PRKCE: variants seen among roughly 807,000 people sequenced by gnomAD.
PRKCE encodes the protein protein kinase C epsilon.
A neutral mutation model predicts 85.4 loss-of-function variants in PRKCE; 16 were observed. The ratio of observed to expected loss-of-function variants is 0.19; its 90% CI spans 0.13 to 0.28. The LOEUF (loss-of-function observed/expected upper bound fraction) is 0.28. PRKCE is among the 10% of genes least tolerant of loss of function. PRKCE has a pLI of 1.00. For synonymous variants in PRKCE, 388 were observed against 371.5 expected (o/e 1.04, Z -0.51); for missense variants, 573 against 975.2 (o/e 0.59, Z 5.49).
At chr2:45,662,467 A>C (rs1267176055) in intron 1 of PRKCE, among the ~76,000 whole-genome samples, 1 of 152,060 alleles carries the variant, frequency 6.6e-6, no homozygotes, top group East Asian at 1.9e-4. Flanking sequence ...AAATGTATTG[A>C]ATAGGGGAGT....
chr2:46,005,505 T>G (rs751503610), intron 8 of PRKCE, among the ~76,000 whole-genome samples: 6 of 152,076 alleles, frequency 3.9e-5, no homozygotes, highest in Non-Finnish European at 7.4e-5. Flanking sequence ...TTCATTACTG[T>G]CCCCCAGGTT....
chr2:45,702,270 G>A (rs1057504039), intron 1 of PRKCE, among the ~76,000 whole-genome samples: 2 of 152,176 alleles, frequency 1.3e-5, no homozygotes, highest in African/African-American at 4.8e-5. Context: ...ATACAGATGT[G>A]GAAATCTACC....
chr2:45,775,048 T>C (rs763208569), intron 1 of PRKCE, among the ~76,000 whole-genome samples: 2 of 152,190 alleles, frequency 1.3e-5, no homozygotes, highest in Non-Finnish European at 2.9e-5. Flanking sequence ...ACGGTTGAAT[T>C]GGTTCCCAAG....
In PRKCE at chr2:46,163,345, G is replaced by A. The variant is rs927103624; in HGVS notation, c.2067+3593G>A. 2.0e-5 allele frequency among the ~76,000 whole-genome samples: 3 copies of A among 150,928 alleles called. No individual in the cohort carries two copies. In the East Asian group the frequency reaches 5.9e-4, roughly 30 times the overall value. ...AGGTGCACCCCACAGAGGCCACTGAGAGCCACGGGGAAGTTGAGCTTCATC... is the reference window on the plus strand; with the variant it reads ...AGGTGCACCCCACAGAGGCCACTGAAAGCCACGGGGAAGTTGAGCTTCATC... On this transcript the variant is annotated intron_variant, in intron 14 of 14. Coordinates refer to ENST00000306156, the MANE Select transcript of PRKCE (RefSeq NM_005400.3).
chr2:45,866,642 A>G (rs1033025347), intron 2 of PRKCE, among the ~76,000 whole-genome samples: 1 of 152,230 alleles, frequency 6.6e-6, no homozygotes, highest in East Asian at 1.9e-4. Context: ...GCGGGGAAGC[A>G]GGCGACGGTG....
chr2:45,895,989 C>T lies in PRKCE; in HGVS notation c.412+52926C>T, dbSNP rs925964662. On this transcript the variant is annotated intron_variant, in intron 2 of 14. Coordinates refer to ENST00000306156, the MANE Select transcript of PRKCE (RefSeq NM_005400.3). This position sits in a 1 kb window ranked among gnomAD's most constrained non-coding sequence, Gnocchi z 4.8. Reference sequence around the variant, plus strand: ...GGGCACTTCAGGTAGAGCGTGGGCACTGCACAATGGTTGTCCTGGATGCGC... The same window carrying T: ...GGGCACTTCAGGTAGAGCGTGGGCATTGCACAATGGTTGTCCTGGATGCGC... 6.6e-5 allele frequency among the ~76,000 whole-genome samples: 10 copies of T among 152,204 alleles called. No individual in the cohort carries two copies. The highest frequency in any genetic ancestry group is 1.5e-4 in the Non-Finnish European group (10 of 68,032).
rs141598429 is a variant in PRKCE, at chr2:45,751,341, C to A, written c.349-91659C>A. Among the ~76,000 whole-genome samples the A allele has an allele frequency of 3.9e-3, 593 of 152,212 alleles. 4 individuals carry two copies. The highest frequency in any genetic ancestry group is 0.014 in the African/African-American group (562 of 41,510). On this transcript the variant is annotated intron_variant, in intron 1 of 14. Transcript: ENST00000306156. ...ATGTGGGTACCATCTGGTAATTGTTCAATATGTTATCACATCATTATATAA... is the reference window on the plus strand; with the variant it reads ...ATGTGGGTACCATCTGGTAATTGTTAAATATGTTATCACATCATTATATAA...
At position 46,086,324 on chromosome 2, in the gene PRKCE, G is replaced by A. The variant is rs755406202; in HGVS notation, c.1554G>A (p.Ser518=). 6.8e-5 allele frequency: 108 copies of A among 1,599,418 alleles called. 1 individual carries two copies. The highest frequency in any genetic ancestry group is 8.1e-5 in the Non-Finnish European group (96 of 1,179,862). The change falls in exon 11 of 15, where the codon TCG becomes TCA. Residue 518 remains serine (S), a synonymous_variant. Transcript: ENST00000306156. ...GGTTCTATGCTGCAGAGGTCACATCGGCCCTCATGTTCCTCCACCAGCATG... is the reference window on the plus strand; with the variant it reads ...GGTTCTATGCTGCAGAGGTCACATCAGCCCTCATGTTCCTCCACCAGCATG... ...RSRFYAAEVT[S]ALMFLHQHGV...
chr2:45,850,944 G>A (rs935933648), intron 2 of PRKCE, among the ~76,000 whole-genome samples: 3 of 152,210 alleles, frequency 2.0e-5, no homozygotes, highest in African/African-American at 4.8e-5. Flanking sequence ...CTGCTGTCAG[G>A]AAGCTCATGC....
At chr2:45,822,619 C>T (rs1689628275) in intron 1 of PRKCE, among the ~76,000 whole-genome samples, 1 of 152,174 alleles carries the variant, frequency 6.6e-6, no homozygotes, top group Non-Finnish European at 1.5e-5. Context: ...ATGGGATTTG[C>T]ACTTTCCACC....
chr2:45,958,076 C>T lies in PRKCE; in HGVS notation c.413-18353C>T, dbSNP rs544552086. ...GCATGCCTTCTGGCTAATTCTGATG[C>T]ATGCTGAAGTTTCAGATTCACTGTT... On this transcript the variant is annotated intron_variant, in intron 2 of 14. Transcript: ENST00000306156. 2.1e-4 allele frequency among the ~76,000 whole-genome samples: 31 copies of T among 149,772 alleles called. No homozygotes were observed. The South Asian group carries it at 5.0e-3, about 24-fold the overall frequency.
chr2:45,923,825 C>T (rs1362744421), intron 2 of PRKCE, among the ~76,000 whole-genome samples: 1 of 152,008 alleles, frequency 6.6e-6, no homozygotes, highest in African/African-American at 2.4e-5. Context: ...GGAGGAAACT[C>T]GAGCCAGGGA....
chr2:46,156,648 C>T (rs909662651), intron 13 of PRKCE, among the ~76,000 whole-genome samples: 1 of 152,220 alleles, frequency 6.6e-6, no homozygotes, highest in African/African-American at 2.4e-5. Context: ...CAGGAAAGCA[C>T]TTTAGGAAGG....
chr2:45,815,055 C>T (rs1408052748), intron 1 of PRKCE, among the ~76,000 whole-genome samples: 1 of 152,160 alleles, frequency 6.6e-6, no homozygotes, highest in African/African-American at 2.4e-5. Flanking sequence ...TCTGTTCCCA[C>T]CCTGTGTGAT....
chr2:45,672,469 G>A (rs1207223076), intron 1 of PRKCE, among the ~76,000 whole-genome samples: 1 of 152,178 alleles, frequency 6.6e-6, no homozygotes, highest in Non-Finnish European at 1.5e-5. Flanking sequence ...CAGCCAGCTG[G>A]ACAGCCAGGC....
chr2:45,851,209 C>T (rs1034635166), intron 2 of PRKCE, among the ~76,000 whole-genome samples: 2 of 152,196 alleles, frequency 1.3e-5, no homozygotes, highest in Admixed American at 1.3e-4. Context: ...TGCCACGGCC[C>T]ACTGAAGATT....
chr2:45,816,088 C>A (rs1689018341), intron 1 of PRKCE, among the ~76,000 whole-genome samples: 1 of 152,206 alleles, frequency 6.6e-6, no homozygotes, highest in African/African-American at 2.4e-5. Context: ...AAAGGCACAA[C>A]TTTACTTATG....
chr2:45,672,808 T>C (rs1430778323), intron 1 of PRKCE, among the ~76,000 whole-genome samples: 2 of 152,174 alleles, frequency 1.3e-5, no homozygotes, highest in Non-Finnish European at 1.5e-5. Context: ...GGAGGATAGC[T>C]TGAGCCAGGA....
At chr2:46,140,397 T>G (rs1476986203) in intron 11 of PRKCE, among the ~76,000 whole-genome samples, 1 of 152,168 alleles carries the variant, frequency 6.6e-6, no homozygotes, top group East Asian at 1.9e-4. Flanking sequence ...TACTAGTATT[T>G]GATAAAGGTG....
Sources: allele counts gnomAD v4.1 joint callset (sites outside exome capture counted in the v4.1 genomes callset), GRCh38; gene constraint gnomAD v4.1.1; non-coding constraint Gnocchi (gnomAD v3.1); transcripts MANE v1.5; gene names NCBI Gene and HGNC (gene_info 2026-07-23, HGNC 2026-07-21).